The following FOXP1 variants were observed in gnomAD, a reference collection of about 807,000 sequenced individuals.
FOXP1 encodes forkhead box protein P1.
In FOXP1, 15 loss-of-function variants were observed where a neutral mutation model predicts 98.2. The ratio of observed to expected loss-of-function variants is 0.15; its 90% confidence interval spans 0.10 to 0.24. The LOEUF is 0.24. Among genes scored for constraint, FOXP1 ranks in the 10% least tolerant of loss-of-function variants. The pLI is 1.00. For synonymous variants in FOXP1, 371 were observed against 314.5 expected, an observed-to-expected ratio of 1.18 and a Z score of -1.90; for missense variants, 633 against 848.5, an observed-to-expected ratio of 0.75 and a Z score of 3.15.
At chr3:71,218,082 G>C (rs1349713113) in intron 5 of FOXP1, among the ~76,000 whole-genome samples, 1 of 152,136 alleles carries the variant, frequency 6.6e-6, no homozygotes, top group African/African-American at 2.4e-5. Context: ...GAGGTGACTT[G>C]AGTCCATCAC....
chr3:71,306,049 A>G (rs891768630), intron 4 of FOXP1: 1 of 152,408 alleles, frequency 6.6e-6, no homozygotes, highest in African/African-American at 2.4e-5. Flanking sequence ...TGGGCTAAAC[A>G]CAACAAAAGC....
At chr3:71,126,699 C>T (rs1365494000) in intron 6 of FOXP1, among the ~76,000 whole-genome samples, 2 of 151,558 alleles carry the variant, frequency 1.3e-5, no homozygotes, top group South Asian at 2.1e-4. Flanking sequence ...TGGTGCACAC[C>T]TGTAGTCCCA....
intron 6 of FOXP1, among the ~76,000 whole-genome samples, chr3:71,186,321 T>A (rs898610490): frequency 6.6e-6 from 1 of 152,206 alleles, no homozygotes. Flanking sequence ...TCTTGTAAGA[T>A]GCTGTCAGCT....
rs1430581543 is a variant in FOXP1, at chr3:71,230,940, C to T, written c.-11-32548G>A. Among the ~76,000 whole-genome samples, 5 of 152,298 alleles carry T rather than the reference C, an allele frequency of 3.3e-5. No individual in the cohort carries two copies. In the East Asian group the frequency reaches 9.6e-4, roughly 29 times the overall value. ...TTCTGTTCCATTTGAGATACACCTACAAGTAAGACAGGCTTGCCAGAGAAC... is the reference window on the plus strand; with the variant it reads ...TTCTGTTCCATTTGAGATACACCTATAAGTAAGACAGGCTTGCCAGAGAAC... On this transcript the variant is annotated intron_variant, in intron 5 of 20. Transcript: ENST00000649528.
intron 11 of FOXP1, among the ~76,000 whole-genome samples, chr3:71,030,573 C>T (rs2046730151): frequency 1.3e-5 from 2 of 152,228 alleles, no homozygotes; most frequent in Admixed American, 1.3e-4. Context: ...GAGCTCACAG[C>T]TACATTCCCA....
intron 19 of FOXP1, chr3:70,968,564 T>G (rs959583286): frequency 1.3e-5 from 2 of 152,146 alleles, no homozygotes; most frequent in African/African-American, 4.8e-5. Flanking sequence ...CACTCTGAGA[T>G]CCTCAGGGGA....
intron 2 of FOXP1, chr3:71,574,563 A>G (rs1244500449): frequency 6.6e-6 from 1 of 152,134 alleles, no homozygotes; most frequent in Non-Finnish European, 1.5e-5. Context: ...ATATTCGTGC[A>G]TGCCCCATCA....
At chr3:71,047,610 T>C (rs1179477047) in intron 9 of FOXP1, among the ~76,000 whole-genome samples, 1 of 152,190 alleles carries the variant, frequency 6.6e-6, no homozygotes, top group African/African-American at 2.4e-5. Context: ...TATTGTTAAT[T>C]AGCCATGACA....
At position 71,384,307 on chromosome 3, in the gene FOXP1, T is replaced by C. The variant is rs57603951; in HGVS notation, c.-167-25063A>G. On this transcript the variant is annotated intron_variant, in intron 3 of 20. Coordinates refer to ENST00000649528, the MANE Select transcript of FOXP1 (RefSeq NM_001349338.3). ...TTCTCTGATGCAAACTTCCTCCAAC[T>C]CCCTAAACTTCCACGGTCTGTGTGA... 6.5e-3 allele frequency among the ~76,000 whole-genome samples: 992 copies of C among 152,158 alleles called. 7 individuals are homozygous for C. The highest frequency in any genetic ancestry group is 0.023 in the African/African-American group (957 of 41,502).
intron 13 of FOXP1, among the ~76,000 whole-genome samples, chr3:70,994,038 GAAAAAA>G (rs897216739): frequency 9.2e-6 from 1 of 108,804 alleles, no homozygotes; most frequent in African/African-American, 2.8e-5. Context: ...AAAAGAAAAA[GAAAAAA>G]AAGTGACTCT....
intron 2 of FOXP1, among the ~76,000 whole-genome samples, chr3:71,526,346 C>CA (rs1340544533): frequency 2.6e-5 from 4 of 152,128 alleles, no homozygotes; most frequent in African/African-American, 9.7e-5. Flanking sequence ...CCTCAGCCGA[C>CA]AAAGTGGACC....
At chr3:71,101,323 G>C (rs541183911) in intron 7 of FOXP1, among the ~76,000 whole-genome samples, 238 of 152,144 alleles carry the variant, frequency 1.6e-3, no homozygotes, top group Non-Finnish European at 2.8e-3. Flanking sequence ...AACAGGTCTG[G>C]AGGCACCCAT....
At chr3:71,380,698 A>ATTTTTTTT (rs11395817) in intron 3 of FOXP1, among the ~76,000 whole-genome samples, 2 of 100,262 alleles carry the variant, frequency 2.0e-5, no homozygotes, top group South Asian at 3.4e-4. Context: ...CTTTTTAGAC[A>ATTTTTTTT]TTTTTTTTTT....
chr3:70,959,870 C>T (rs2032869518), intron 20 of FOXP1, among the ~76,000 whole-genome samples: 1 of 152,126 alleles, frequency 6.6e-6, no homozygotes, highest in Admixed American at 6.5e-5. Context: ...CCAAGTGATG[C>T]CGGTGGTCCT....
chr3:70,973,646 C>T (rs553890729), intron 17 of FOXP1, among the ~76,000 whole-genome samples: 11 of 152,088 alleles, frequency 7.2e-5, no homozygotes, highest in Admixed American at 6.6e-4. Context: ...CCAGACTCAA[C>T]GCTGGACATG....
intron 2 of FOXP1, among the ~76,000 whole-genome samples, chr3:71,518,109 G>C (rs764440046): frequency 1.4e-4 from 22 of 152,160 alleles, no homozygotes; most frequent in Middle Eastern, 6.8e-3. Flanking sequence ...AATCTTGCTG[G>C]ACATTTGACA....
chr3:71,565,200 G>C (rs2046819324), intron 2 of FOXP1, among the ~76,000 whole-genome samples: 2 of 152,118 alleles, frequency 1.3e-5, no homozygotes, highest in Admixed American at 1.3e-4. Context: ...TGGAGTGTTA[G>C]GGGTTAAAAA....
At chr3:71,131,589 C>T (rs1393289443) in intron 6 of FOXP1, among the ~76,000 whole-genome samples, 1 of 152,154 alleles carries the variant, frequency 6.6e-6, no homozygotes, top group Non-Finnish European at 1.5e-5. Flanking sequence ...GGGATGTTTA[C>T]ATAGGCCCCA....
intron 3 of FOXP1, among the ~76,000 whole-genome samples, chr3:71,459,934 T>G: frequency 6.6e-6 from 1 of 151,308 alleles, no homozygotes. Flanking sequence ...CCATCTTCTT[T>G]TTTTTTTTTC....
Sources: allele counts gnomAD v4.1 joint callset (sites outside exome capture counted in the v4.1 genomes callset), GRCh38; gene constraint gnomAD v4.1.1; transcripts MANE v1.5; gene names NCBI Gene and HGNC (gene_info 2026-07-23, HGNC 2026-07-21).